Variants in CSMD3 observed in about 807,000 individuals in gnomAD.
CSMD3 encodes the protein CUB and Sushi multiple domains 3, also known as CUB and sushi domain-containing protein 3.
CSMD3 carries 177 observed loss-of-function variants against 435.2 expected under a neutral mutation model. That is an observed-to-expected ratio of 0.41 (90% CI 0.36 to 0.46). CSMD3 has a LOEUF of 0.46. Among genes scored for constraint, CSMD3 ranks in the 20% least tolerant of loss-of-function variants. CSMD3 has a pLI of 0.34. For synonymous variants in CSMD3, 1,656 were observed against 1,520.5 expected, an observed-to-expected ratio of 1.09 and a Z score of -2.07; for missense variants, 4,265 against 4,504.6, an observed-to-expected ratio of 0.95 and a Z score of 1.52.
At chr8:113,025,096 A>C (rs2086826505) in intron 5 of CSMD3, among the ~76,000 whole-genome samples, 1 of 152,024 alleles carries the variant, frequency 6.6e-6, no homozygotes, top group Admixed American at 6.6e-5. Context: ...GATCTTTTTC[A>C]GACTCTTCAT....
chr8:112,350,352 T>C (rs1372465356), intron 40 of CSMD3, among the ~76,000 whole-genome samples: 1 of 151,464 alleles, frequency 6.6e-6, no homozygotes, highest in South Asian at 2.1e-4. Context: ...GTGTCTTAAT[T>C]AGACTTATTA....
At chr8:113,222,283 A>C (rs1447789445) in intron 3 of CSMD3, among the ~76,000 whole-genome samples, 1 of 151,104 alleles carries the variant, frequency 6.6e-6, no homozygotes, top group Non-Finnish European at 1.5e-5. Context: ...AATTATATTC[A>C]CTAATCAGTA....
chr8:112,829,781 C>T lies in CSMD3; in HGVS notation c.1764G>A (p.Gln588=). The change falls in exon 12 of 71, where the codon CAG becomes CAA. Residue 588 remains glutamine (Q), a synonymous_variant. Coordinates refer to ENST00000297405, the MANE Select transcript of CSMD3 (RefSeq NM_198123.2). ...CCAGATCAAATTCTTCAAAATTTAT[C>T]TGGATAACCTAGCAGTAAACAGAAA... ...ITAVNTNKVI[Q]INFEEFDLEI... 1.9e-6 allele frequency: 3 copies of T among 1,595,202 alleles called. No individual in the cohort carries two copies. The highest frequency in any genetic ancestry group is 1.7e-6 in the Non-Finnish European group (2 of 1,163,176).
At chr8:112,920,397 A>G (rs1296687354) in intron 10 of CSMD3, among the ~76,000 whole-genome samples, 1 of 151,932 alleles carries the variant, frequency 6.6e-6, no homozygotes, top group Non-Finnish European at 1.5e-5. Context: ...GTATAATAAT[A>G]TAGATATAAC....
intron 9 of CSMD3, among the ~76,000 whole-genome samples, chr8:112,944,832 C>T (rs1450144394): frequency 2.0e-5 from 3 of 151,476 alleles, no homozygotes; most frequent in Non-Finnish European, 3.0e-5. Context: ...TCTATCAGTT[C>T]GTCAAATAGA....
chr8:113,267,617 T>A (rs977503846), intron 3 of CSMD3, among the ~76,000 whole-genome samples: 3 of 150,502 alleles, frequency 2.0e-5, no homozygotes, highest in African/African-American at 4.9e-5. Flanking sequence ...AAGGGGAGGG[T>A]GAAGAGAAGT....
intron 1 of CSMD3, among the ~76,000 whole-genome samples, chr8:113,329,615 T>C (rs1428412825): frequency 6.6e-6 from 1 of 152,136 alleles, no homozygotes; most frequent in Non-Finnish European, 1.5e-5. Context: ...CTTTCAAATA[T>C]GATTTCAAAA....
In CSMD3 at chr8:113,375,536, C is replaced by T. The variant is rs9297492; in HGVS notation, c.179-60743G>A. 4.9e-3 allele frequency among the ~76,000 whole-genome samples: 743 copies of T among 150,528 alleles called. 11 individuals carry two copies. The highest frequency in any genetic ancestry group is 0.017 in the African/African-American group (697 of 41,028). ...TAATACACACACACACACACACACA[C>T]ACACACACACGTGTCATGCCGAGGA... On this transcript the variant is annotated intron_variant, in intron 1 of 70. Coordinates refer to ENST00000297405, the MANE Select transcript of CSMD3 (RefSeq NM_198123.2).
At chr8:112,875,052 G>T (rs1028520154) in intron 10 of CSMD3, among the ~76,000 whole-genome samples, 1 of 152,150 alleles carries the variant, frequency 6.6e-6, no homozygotes, top group African/African-American at 2.4e-5. Flanking sequence ...GCAGTGGCTG[G>T]TACTGGTTTT....
At chr8:112,880,495 TG>T (rs546597537) in intron 10 of CSMD3, among the ~76,000 whole-genome samples, 299 of 152,150 alleles carry the variant, frequency 2.0e-3, no homozygotes, top group African/African-American at 7.0e-3. Flanking sequence ...ATGTCAGAAC[TG>T]AATCTCGAAA....
At chr8:112,413,282 A>T (rs926456159) in intron 32 of CSMD3, among the ~76,000 whole-genome samples, 19 of 152,180 alleles carry the variant, frequency 1.2e-4, no homozygotes, top group African/African-American at 4.1e-4. Flanking sequence ...TTTGACATCT[A>T]ATTTTTGAAG....
chr8:112,268,159 A>G (rs544924528), intron 59 of CSMD3, among the ~76,000 whole-genome samples: 2 of 152,310 alleles, frequency 1.3e-5, no homozygotes, highest in South Asian at 4.1e-4. Context: ...CTATTTTCTT[A>G]AGAGTCTCAT....
chr8:113,250,443 G>C (rs915623462), intron 3 of CSMD3, among the ~76,000 whole-genome samples: 1 of 152,038 alleles, frequency 6.6e-6, no homozygotes, highest in Non-Finnish European at 1.5e-5. Flanking sequence ...CAGACCTTGT[G>C]GGCGGTTCTA....
intron 3 of CSMD3, among the ~76,000 whole-genome samples, chr8:113,274,394 A>C (rs2093553750): frequency 6.6e-6 from 1 of 152,136 alleles, no homozygotes. Context: ...AAAGGTGAGA[A>C]CTGGTTCGTG....
intron 32 of CSMD3, among the ~76,000 whole-genome samples, chr8:112,422,302 T>C (rs1812605583): frequency 6.6e-6 from 1 of 152,166 alleles, no homozygotes; most frequent in African/African-American, 2.4e-5. Context: ...TCATGAATAA[T>C]AGAGGAATAG....
At position 112,254,449 on chromosome 8, in the gene CSMD3, G is replaced by A. The variant is rs747330543; in HGVS notation, c.10037-123C>T. The A allele has an allele frequency of 1.4e-3, 1,058 of 750,984 alleles. 3 individuals are homozygous for A. The highest frequency in any genetic ancestry group is 1.9e-3 in the Non-Finnish European group (800 of 419,896). The allele number at this position is 750,984 out of a possible 1,614,324, so 46.5% of individuals were successfully genotyped here. A position where few individuals can be genotyped will look rare whatever the true frequency, so the allele number is the denominator to read the frequency against. ...AAGGATCTAGGAAATAATAAATAATGTAAATGTAATAACATCTCTCCATGG... is the reference window on the plus strand; with the variant it reads ...AAGGATCTAGGAAATAATAAATAATATAAATGTAATAACATCTCTCCATGG... On this transcript the variant is annotated intron_variant, in intron 62 of 70. Transcript: ENST00000297405.
At chr8:112,898,509 T>G (rs2130407833) in intron 10 of CSMD3, among the ~76,000 whole-genome samples, 1 of 151,392 alleles carries the variant, frequency 6.6e-6, no homozygotes, top group African/African-American at 2.4e-5. Context: ...TAACTTCATT[T>G]ACTTCTTATT....
At chr8:113,017,666 A>G (rs1274702669) in intron 6 of CSMD3, among the ~76,000 whole-genome samples, 2 of 151,988 alleles carry the variant, frequency 1.3e-5, no homozygotes, top group Non-Finnish European at 2.9e-5. Flanking sequence ...AAAACTCCAC[A>G]AGTAAAAGGG....
At chr8:113,091,939 C>T (rs973320639) in intron 5 of CSMD3, among the ~76,000 whole-genome samples, 1 of 151,842 alleles carries the variant, frequency 6.6e-6, no homozygotes. Flanking sequence ...CTTAGTACTG[C>T]TTTTTCTGTA....
Sources: allele counts gnomAD v4.1 joint callset (sites outside exome capture counted in the v4.1 genomes callset), GRCh38; gene constraint gnomAD v4.1.1; transcripts MANE v1.5; gene names NCBI Gene and HGNC (gene_info 2026-07-23, HGNC 2026-07-21).